HERC2: variants seen among roughly 807,000 people sequenced by gnomAD.
The protein encoded by HERC2 is E3 ubiquitin-protein ligase HERC2.
Under a neutral mutation model 537.7 loss-of-function variants are expected in HERC2, and 102 were observed. The ratio of observed to expected loss-of-function variants is 0.19; its 90% confidence interval spans 0.16 to 0.22. HERC2 has a LOEUF of 0.22. Ranked by LOEUF, HERC2 falls within the 10% of genes least tolerant of loss-of-function variation. HERC2 has a pLI of 1.00. For missense variants in HERC2, 4,236 were observed against 6,198.2 expected (o/e 0.68, Z 10.63); for synonymous variants, 2,224 against 2,466.2 (o/e 0.90, Z 2.91).
At chr15:28,125,876 T>C (rs1889421870) in intron 83 of HERC2, among the ~76,000 whole-genome samples, 2 of 152,168 alleles carry the variant, frequency 1.3e-5, no homozygotes, top group African/African-American at 4.8e-5. Context: ...AGTGGTGCGA[T>C]CTCAAGCTCA....
intron 52 of HERC2, among the ~76,000 whole-genome samples, chr15:28,193,107 T>C (rs1311990712): frequency 1.3e-5 from 2 of 152,082 alleles, no homozygotes; most frequent in Non-Finnish European, 2.9e-5. Flanking sequence ...AAGAAATAAC[T>C]TTTTAAATAC....
At position 28,280,259 on chromosome 15, in the gene HERC2, A is replaced by T. The variant is rs1271818987; in HGVS notation, c.351T>A (p.Ser117=). ...PDVNELKECL[S]VLVKEQQALA... ...GGGCCTGCTGCTCTTTAACCAGCACAGAAAGACACTCCTTCAGTTCATTCA... is the reference window on the plus strand; with the variant it reads ...GGGCCTGCTGCTCTTTAACCAGCACTGAAAGACACTCCTTCAGTTCATTCA... The change falls in exon 5 of 93, where the codon TCT becomes TCA. Residue 117 remains serine (S), a synonymous_variant. Transcript: ENST00000261609. The T allele has an allele frequency of 6.2e-7, 1 of 1,613,632 alleles. No individual in the cohort carries two copies. The highest frequency in any genetic ancestry group is 8.5e-7 in the Non-Finnish European group (1 of 1,179,864).
chr15:28,240,677 T>C lies in HERC2; in HGVS notation c.3578-1905A>G, dbSNP rs148414166. ...GAAAGAAGAAGGCAATAATAAAGAG[T>C]ATGGCACTGGACAGACAAACATACA... is the stretch of plus-strand genomic sequence containing the variant. On this transcript the variant is annotated intron_variant, in intron 23 of 92. Coordinates refer to ENST00000261609, the MANE Select transcript of HERC2 (RefSeq NM_004667.6). 7.3e-5 allele frequency among the ~76,000 whole-genome samples: 11 copies of C among 151,542 alleles called. No homozygotes were observed. The East Asian group carries it at 2.1e-3, about 30-fold the overall frequency.
In HERC2 at chr15:28,111,744, A is replaced by G. The variant is rs1188260075; in HGVS notation, c.*19T>C. ...GCTGCCTGGCTCAGGCTCTCATCTC[A>G]CGAGGACGTTTCCCCATCTTAGTGT... On this transcript the variant is annotated 3_prime_UTR_variant, in exon 93 of 93. Transcript: ENST00000261609. 1.2e-5 allele frequency: 20 copies of G among 1,610,804 alleles called. No homozygotes were observed. The highest frequency in any genetic ancestry group is 1.6e-5 in the Non-Finnish European group (19 of 1,177,292).
At chr15:28,313,802 T>C (rs1026191750) in intron 2 of HERC2, among the ~76,000 whole-genome samples, 59 of 152,254 alleles carry the variant, frequency 3.9e-4, no homozygotes, top group African/African-American at 1.4e-3. Context: ...AGCAGTAAGA[T>C]AGTGAGGTCT....
At chr15:28,256,980 T>C (rs1402751826) in intron 17 of HERC2, 81 bp downstream of exon 17, 5 of 1,172,118 alleles carry the variant, frequency 4.3e-6, no homozygotes, top group South Asian at 1.4e-5. Flanking sequence ...CTAAAACCCA[T>C]GCCCTTCAAA....
At chr15:28,121,855 G>A (rs977159208) in intron 85 of HERC2, among the ~76,000 whole-genome samples, 6 of 150,434 alleles carry the variant, frequency 4.0e-5, no homozygotes, top group Non-Finnish European at 8.9e-5. Context: ...CAGCAGCCAC[G>A]GGCCAGGGAG....
At chr15:28,289,102 C>A (rs1292892862) in intron 4 of HERC2, among the ~76,000 whole-genome samples, 1 of 151,276 alleles carries the variant, frequency 6.6e-6, no homozygotes, top group Non-Finnish European at 1.5e-5. Flanking sequence ...TAACTGAAAA[C>A]GCCAGAGATG....
intron 26 of HERC2, among the ~76,000 whole-genome samples, chr15:28,235,952 T>C (rs1184503746): frequency 6.6e-6 from 1 of 152,122 alleles, no homozygotes; most frequent in Admixed American, 6.5e-5. Context: ...TTATTTTAGG[T>C]GGTTACAAAG....
intron 78 of HERC2, 22 bp downstream of exon 78, chr15:28,141,410 G>C (rs201488556): frequency 6.8e-6 from 11 of 1,610,994 alleles, no homozygotes; most frequent in African/African-American, 1.3e-5. Flanking sequence ...ATGACCTTGT[G>C]ACATAGAAAA....
chr15:28,192,278 A>C, intron 52 of HERC2, 127 bp from the exon 53 acceptor site: 1 of 752,796 alleles, frequency 1.3e-6, no homozygotes, highest in Non-Finnish European at 2.1e-6. Context: ...AAAGGAGTTA[A>C]TAAATGCCAC....
In HERC2 at chr15:28,144,207, G is replaced by A. The variant is rs561539431; in HGVS notation, c.11169C>T (p.Cys3723=). The A allele has an allele frequency of 3.7e-5, 59 of 1,614,144 alleles. No homozygotes were observed. The highest frequency in any genetic ancestry group is 2.7e-4 in the Admixed American group (16 of 60,034). Residue 3723 remains cysteine (C), a synonymous_variant, in exon 73 of 93, where the codon TGC becomes TGT. Transcript: ENST00000261609. The stretch of plus-strand genomic sequence containing the variant: ...AGTCCATGGATGGACAGGAGAGGAC[G>A]CAGCGGTCAGAGAGGAGTTCTTTAG... ...AGPKELLSDR[C]VLSCPSMDLV... is the part of the protein sequence containing the mutation.
chr15:28,161,929 C>T (rs1333500905), intron 69 of HERC2, among the ~76,000 whole-genome samples: 5 of 152,142 alleles, frequency 3.3e-5, no homozygotes, highest in African/African-American at 7.2e-5. Flanking sequence ...TTAGGGCAAC[C>T]GGTTTACCAT....
At chr15:28,117,561 A>T (rs1350165254) in intron 86 of HERC2, 1 of 485,674 alleles carries the variant, frequency 2.1e-6, no homozygotes, top group African/African-American at 2.0e-5. Flanking sequence ...GACACCAGGA[A>T]CTCCAAAAGC....
intron 69 of HERC2, among the ~76,000 whole-genome samples, chr15:28,160,546 A>T (rs1280718004): frequency 6.6e-6 from 1 of 152,208 alleles, no homozygotes; most frequent in Non-Finnish European, 1.5e-5. Flanking sequence ...CGCGAGATAT[A>T]ATCTCCTGGT....
intron 2 of HERC2, among the ~76,000 whole-genome samples, chr15:28,314,764 G>A (rs2077037186): frequency 6.6e-6 from 1 of 151,888 alleles, no homozygotes; most frequent in South Asian, 2.1e-4. Context: ...CGGAGTCTGA[G>A]GCAGGAGAAT....
intron 59 of HERC2, among the ~76,000 whole-genome samples, chr15:28,178,145 T>A (rs1355945421): frequency 6.6e-6 from 1 of 151,294 alleles, no homozygotes; most frequent in Non-Finnish European, 1.5e-5. Context: ...CATGTTAAAG[T>A]GCTCAGCTAA....
At chr15:28,171,489 GC>G (rs1894694380) in intron 65 of HERC2, among the ~76,000 whole-genome samples, 1 of 152,064 alleles carries the variant, frequency 6.6e-6, no homozygotes, top group Non-Finnish European at 1.5e-5. Context: ...GAAGCCACTC[GC>G]CCCAGTTCAT....
At chr15:28,204,201 C>A (rs1898164978) in intron 45 of HERC2, among the ~76,000 whole-genome samples, 1 of 152,092 alleles carries the variant, frequency 6.6e-6, no homozygotes, top group African/African-American at 2.4e-5. Flanking sequence ...GGACAACAAC[C>A]AATAACTGAC....
Sources: gnomAD v4.1 joint callset for allele counts (sites outside exome capture counted in the v4.1 genomes callset) on GRCh38, gnomAD v4.1.1 for gene constraint, MANE v1.5 for transcripts, NCBI Gene and HGNC (gene_info 2026-07-23, HGNC 2026-07-21) for gene names.